Variants in ANKRD10 observed in about 807,000 individuals in gnomAD.
The protein encoded by ANKRD10 is ankyrin repeat domain 10.
A neutral mutation model predicts 27.0 loss-of-function variants in ANKRD10; 14 were observed. That is an observed-to-expected ratio of 0.52 (90% CI 0.34 to 0.81). ANKRD10 has a LOEUF of 0.81. Ranked by LOEUF, ANKRD10 falls within the 40% of genes least tolerant of loss-of-function variation. The pLI is 0.01. For synonymous variants in ANKRD10, 250 were observed against 224.5 expected, an observed-to-expected ratio of 1.11 and a Z score of -1.01; for missense variants, 493 against 544.0, an observed-to-expected ratio of 0.91 and a Z score of 0.93.
rs554556331 is a variant in ANKRD10 at position 110,893,636 on chromosome 13, T to A, written c.456-373A>T. ...ACCCATTCCTTTAGCGTGAATAAAA[T>A]CATAACAAACAACATGTACTGAGAT... On this transcript the variant is annotated intron_variant, in intron 3 of 5. Transcript: ENST00000267339. 3.3e-5 allele frequency among the ~76,000 whole-genome samples: 5 copies of A among 152,334 alleles called. No homozygotes were observed. The South Asian group carries it at 1.0e-3, about 32-fold the overall frequency.
chr13:110,881,290 T>C (rs2064811929), intron 5 of ANKRD10, among the ~76,000 whole-genome samples: 1 of 152,204 alleles, frequency 6.6e-6, no homozygotes, highest in African/African-American at 2.4e-5. Context: ...ATACATCCGA[T>C]TACCCTAACA....
chr13:110,889,983 AT>A (rs1566456706), intron 4 of ANKRD10, among the ~76,000 whole-genome samples: 1 of 152,172 alleles, frequency 6.6e-6, no homozygotes, highest in African/African-American at 2.4e-5. Flanking sequence ...TCTTCTAAAT[AT>A]TTTTATATGT....
At chr13:110,893,526 T>C (rs556307960) in intron 3 of ANKRD10, among the ~76,000 whole-genome samples, 8 of 152,370 alleles carry the variant, frequency 5.3e-5, no homozygotes, top group African/African-American at 1.9e-4. Flanking sequence ...CTCAAAATCA[T>C]GTTTTATGTT....
At chr13:110,880,449 C>T (rs1321303081) in intron 5 of ANKRD10, among the ~76,000 whole-genome samples, 3 of 152,120 alleles carry the variant, frequency 2.0e-5, no homozygotes, top group Non-Finnish European at 4.4e-5. Context: ...AGACTACTTT[C>T]GAGAGCGGTT....
intron 2 of ANKRD10, among the ~76,000 whole-genome samples, chr13:110,908,385 A>C (rs1364904844): frequency 6.6e-6 from 1 of 152,210 alleles, no homozygotes; most frequent in African/African-American, 2.4e-5. Context: ...CTCTTGGGGA[A>C]ATCGAGAACA....
At position 110,914,760 on chromosome 13, in the gene ANKRD10, A is replaced by G; in HGVS notation, c.175T>C (p.Trp59Arg). ...HLASEDSFYG[W>R]TPVHWAAHFG... ...TGCGCGGCCCAGTGCACGGGCGTCC[A>G]GCCATAGAAGGAGTCCTCAGAGGCC... Residue 59 changes from tryptophan (W) to arginine (R), a missense_variant, in exon 1 of 6, where the codon TGG becomes CGG. Physicochemically the swap from Trp to Arg is moderately radical, Grantham distance 101. Coordinates refer to ENST00000267339, the MANE Select transcript of ANKRD10 (RefSeq NM_017664.4). The G allele has an allele frequency of 1.3e-6, 2 of 1,597,760 alleles. No homozygotes were observed. The highest frequency in any genetic ancestry group is 1.7e-6 in the Non-Finnish European group (2 of 1,172,852).
intron 2 of ANKRD10, among the ~76,000 whole-genome samples, chr13:110,908,424 G>C (rs968149401): frequency 6.6e-6 from 1 of 152,174 alleles, no homozygotes; most frequent in East Asian, 1.9e-4. Context: ...ACGAGCTTTG[G>C]TAATCTCACC....
At chr13:110,900,440 T>C (rs146947255) in intron 3 of ANKRD10, 1 of 982,950 alleles carries the variant, frequency 1.0e-6, no homozygotes, top group Non-Finnish European at 1.3e-6. Flanking sequence ...AAGGTAGATA[T>C]CATAAATTAG....
At chr13:110,892,765 T>C (rs4773268) in intron 4 of ANKRD10, 1,155,010 of 1,158,572 alleles carry the variant, frequency 1, 575,816 homozygotes, top group East Asian at 1. Context: ...ATCTAATTCA[T>C]GGCAGGTAAA....
intron 2 of ANKRD10, among the ~76,000 whole-genome samples, chr13:110,906,746 A>G (rs568787714): frequency 6.6e-6 from 1 of 152,244 alleles, no homozygotes; most frequent in African/African-American, 2.4e-5. Flanking sequence ...TTATTAGAGG[A>G]AAGGGAGAAG....
At chr13:110,887,145 G>A (rs372267881) in intron 4 of ANKRD10, among the ~76,000 whole-genome samples, 2 of 152,332 alleles carry the variant, frequency 1.3e-5, no homozygotes, top group South Asian at 2.1e-4. Context: ...GGGACACACA[G>A]AGATGCTCCA....
intron 5 of ANKRD10, among the ~76,000 whole-genome samples, chr13:110,880,324 ATG>A (rs781654440): frequency 2.6e-5 from 4 of 152,246 alleles, no homozygotes; most frequent in Admixed American, 6.5e-5. Context: ...TAGGAAAATC[ATG>A]TGTGTGTCAG....
intron 4 of ANKRD10, among the ~76,000 whole-genome samples, chr13:110,888,676 C>T (rs920096684): frequency 6.6e-6 from 1 of 152,100 alleles, no homozygotes; most frequent in African/African-American, 2.4e-5. Flanking sequence ...CTGCTCAACA[C>T]GAACAGCTAA....
intron 4 of ANKRD10, among the ~76,000 whole-genome samples, chr13:110,892,260 C>T (rs933727534): frequency 2.7e-5 from 4 of 149,870 alleles, no homozygotes; most frequent in Admixed American, 6.6e-5. Context: ...GGTGAAGCCC[C>T]TTCTCTACTA....
chr13:110,880,662 A>C (rs915015545), intron 5 of ANKRD10, among the ~76,000 whole-genome samples: 1 of 152,242 alleles, frequency 6.6e-6, no homozygotes, highest in African/African-American at 2.4e-5. Context: ...TAAATCAGGT[A>C]GGGACTCTTG....
At chr13:110,902,070 AAGAG>A (rs2065400181) in intron 3 of ANKRD10, among the ~76,000 whole-genome samples, 1 of 143,674 alleles carries the variant, frequency 7.0e-6, no homozygotes, top group African/African-American at 2.5e-5. Flanking sequence ...AAAAAAAAAA[AAGAG>A]GAGGCAAAAG....
At position 110,879,812 on chromosome 13, in the gene ANKRD10, G is replaced by A; in HGVS notation, c.1088C>T (p.Ser363Phe). ...SPSSCIASRP[S>F]WVEDIGDNLY... ...GTTATCCCCAATGTCTTCCACCCAG[G>A]AAGGCCTACTGGCTATGCAGCTACT... is the stretch of plus-strand genomic sequence containing the variant. The change falls in exon 6 of 6, where the codon TCC (serine) becomes TTC (phenylalanine). Residue 363 changes from serine to phenylalanine, a missense_variant. Physicochemically the swap from Ser to Phe is radical, Grantham distance 155. Transcript: ENST00000267339. 6.2e-7 allele frequency: 1 copy of A among 1,614,224 alleles called. No homozygotes were observed. Among genetic ancestry groups the A allele is most frequent in the Non-Finnish European group, 8.5e-7 (1 of 1,180,044 alleles).
In ANKRD10 at chr13:110,893,018, G is replaced by T. The variant is rs1388555682; in HGVS notation, c.691+10C>A. The T allele has an allele frequency of 1.2e-6, 2 of 1,613,094 alleles. No homozygotes were observed. The highest frequency in any genetic ancestry group is 4.5e-5 in the East Asian group (2 of 44,864). ...TAAGTGTGCTCTTCCCACCCGCAAA[G>T]CGGTCTCACCTTCAGTTCTAGCTTT... On this transcript the variant is annotated intron_variant, in intron 4 of 5. Coordinates refer to ENST00000267339, the MANE Select transcript of ANKRD10 (RefSeq NM_017664.4).
intron 3 of ANKRD10, among the ~76,000 whole-genome samples, chr13:110,899,506 T>C (rs2065324198): frequency 2.0e-5 from 3 of 152,352 alleles, no homozygotes; most frequent in Middle Eastern, 3.4e-3. Context: ...GAAGAGATTT[T>C]TAAAACTCAG....
Sources: gnomAD v4.1 joint callset for allele counts (sites outside exome capture counted in the v4.1 genomes callset) on GRCh38, gnomAD v4.1.1 for gene constraint, MANE v1.5 for transcripts, NCBI Gene and HGNC (gene_info 2026-07-23, HGNC 2026-07-21) for gene names.